Variants in SLCO1A2 observed in about 807,000 individuals in gnomAD.
SLCO1A2 encodes solute carrier organic anion transporter family member 1A2, also known as OATP-1.
A neutral mutation model predicts 69.0 loss-of-function variants in SLCO1A2; 67 were observed. The ratio of observed to expected loss-of-function variants is 0.97; its 90% CI spans 0.80 to 1.19. The LOEUF (loss-of-function observed/expected upper bound fraction) is 1.19. Ranked by LOEUF, SLCO1A2 falls within the 50% of genes most tolerant of loss-of-function variation. The probability of loss-of-function intolerance (pLI) is 0.00; values close to 1 mark genes in which losing one functional copy is unlikely to be tolerated. For missense variants in SLCO1A2, 787 were observed against 793.7 expected, an observed-to-expected ratio of 0.99 and a Z score of 0.10; for synonymous variants, 260 against 265.9, an observed-to-expected ratio of 0.98 and a Z score of 0.22.
chr12:21,369,613 A>AAAGTTGCG (rs1385209608), intron 2 of SLCO1A2, among the ~76,000 whole-genome samples: 4 of 152,200 alleles, frequency 2.6e-5, no homozygotes, highest in Non-Finnish European at 2.9e-5. Flanking sequence ...CTGATGTTTT[A>AAAGTTGCG]AAGTTGCGGG....
chr12:21,267,563 G>C lies in SLCO1A2; in HGVS notation c.*1985C>G, dbSNP rs1252108819. On this transcript the variant is annotated 3_prime_UTR_variant, in exon 15 of 15. Coordinates refer to ENST00000683939, the MANE Select transcript of SLCO1A2 (RefSeq NM_001386879.1). ...CCCATTTATGTCAGTCACCTAAATA[G>C]CCACAGAATTCCAAACTATCTCTCA... is the stretch of plus-strand genomic sequence containing the variant. 1 of 152,154 alleles carries C rather than the reference G, an allele frequency of 6.6e-6. No individual in the cohort carries two copies. The highest frequency in any genetic ancestry group is 2.4e-5 in the African/African-American group (1 of 41,430). The allele number at this position is 152,154 out of a possible 1,614,324, so 9.4% of individuals were successfully genotyped here.
rs1347405418 is a variant in SLCO1A2, at chr12:21,268,855, C to G, written c.*693G>C. ...TTGTTTGTAAGAAAAACTTTAGTCA[C>G]TGGATTTGAATTACTGAAAAAAAAT... On this transcript the variant is annotated 3_prime_UTR_variant, in exon 15 of 15. Coordinates refer to ENST00000683939, the MANE Select transcript of SLCO1A2 (RefSeq NM_001386879.1). The G allele has an allele frequency of 6.6e-6, 1 of 151,920 alleles. No homozygotes were observed. The highest frequency in any genetic ancestry group is 2.4e-5 in the African/African-American group (1 of 41,390). The allele number at this position is 151,920 out of a possible 1,614,324, so 9.4% of individuals were successfully genotyped here. A position where few individuals can be genotyped will look rare whatever the true frequency, so the allele number is the denominator to read the frequency against.
At chr12:21,279,053 A>T (rs1261957376) in intron 12 of SLCO1A2, among the ~76,000 whole-genome samples, 2 of 152,122 alleles carry the variant, frequency 1.3e-5, no homozygotes, top group African/African-American at 2.4e-5. Context: ...AAAAAAATGC[A>T]ATGACATACT....
At chr12:21,361,410 T>C (rs1938868102) in intron 2 of SLCO1A2, among the ~76,000 whole-genome samples, 1 of 152,144 alleles carries the variant, frequency 6.6e-6, no homozygotes, top group Non-Finnish European at 1.5e-5. Context: ...AGACGAAATG[T>C]AGATAAAACC....
At chr12:21,362,486 A>C (rs1334491113) in intron 2 of SLCO1A2, among the ~76,000 whole-genome samples, 1 of 152,216 alleles carries the variant, frequency 6.6e-6, no homozygotes, top group East Asian at 1.9e-4. Context: ...AGGAAACTGC[A>C]TCAACTAATG....
chr12:21,395,793 C>T (rs1023542383), upstream of SLCO1A2, among the ~76,000 whole-genome samples: 1 of 152,152 alleles, frequency 6.6e-6, no homozygotes, highest in Non-Finnish European at 1.5e-5. Flanking sequence ...GGTACTCCAA[C>T]AGACCTGCAG....
chr12:21,373,123 T>C, intron 2 of SLCO1A2: 3 of 569,444 alleles, frequency 5.3e-6, no homozygotes, highest in Non-Finnish European at 9.3e-6. Context: ...AATATAAATG[T>C]TCAGATTGCT....
At chr12:21,322,300 T>G (rs2136848697) in intron 2 of SLCO1A2, among the ~76,000 whole-genome samples, 1 of 152,296 alleles carries the variant, frequency 6.6e-6, no homozygotes, top group Middle Eastern at 3.4e-3. Flanking sequence ...TTTAGAAAGT[T>G]TATTTTGCCA....
chr12:21,297,338 A>T, intron 9 of SLCO1A2, 66 bp downstream of exon 9: 1 of 1,235,144 alleles, frequency 8.1e-7, no homozygotes, highest in Non-Finnish European at 1.1e-6. Flanking sequence ...GGAGTTTGCT[A>T]CACCCGCCAT....
chr12:21,325,067 C>A (rs1338264823), intron 2 of SLCO1A2, among the ~76,000 whole-genome samples: 2 of 152,136 alleles, frequency 1.3e-5, no homozygotes, highest in African/African-American at 4.8e-5. Context: ...GGGAAGTGCT[C>A]CCAGTCTTTT....
upstream of SLCO1A2, among the ~76,000 whole-genome samples, chr12:21,396,236 A>C (rs953087136): frequency 5.9e-5 from 9 of 151,472 alleles, no homozygotes; most frequent in African/African-American, 1.7e-4. Context: ...CAGAAGCCTC[A>C]GGAGCCGATG....
In SLCO1A2 at chr12:21,282,996, A is replaced by G. The variant is rs549379568; in HGVS notation, c.1611-7572T>C. Among the ~76,000 whole-genome samples, 278 of 152,268 alleles carry G rather than the reference A, an allele frequency of 1.8e-3. 2 individuals carry two copies. The highest frequency in any genetic ancestry group is 6.4e-3 in the African/African-American group (266 of 41,586). ...AAACAATATTGCTAAAACCAAACAA[A>G]GGAATCTGCAATCTACAGATTTGAT... On this transcript the variant is annotated intron_variant, in intron 12 of 14. Transcript: ENST00000683939.
chr12:21,269,485 T>C lies in SLCO1A2; in HGVS notation c.*63A>G. On this transcript the variant is annotated 3_prime_UTR_variant, in exon 15 of 15. Coordinates refer to ENST00000683939, the MANE Select transcript of SLCO1A2 (RefSeq NM_001386879.1). ...GTTATCTATTATATCTCTACTGATT[T>C]TTAAAACAATTAAGTTGTACAGCAT... The C allele has an allele frequency of 7.8e-7, 1 of 1,285,312 alleles. No individual in the cohort carries two copies. Among genetic ancestry groups the C allele is most frequent in the Non-Finnish European group, 1.1e-6 (1 of 917,038 alleles). 79.6% of individuals were successfully genotyped at this position (1,285,312 alleles called of 1,614,324 possible).
chr12:21,403,696 A>T (rs1941774685), intron 1 of SLCO1A2: 1 of 145,770 alleles, frequency 6.9e-6, no homozygotes, highest in Non-Finnish European at 1.5e-5. Flanking sequence ...ACTTGGAACC[A>T]GAGGCTCCTC....
chr12:21,413,250 T>A, intron 1 of SLCO1A2, among the ~76,000 whole-genome samples: 1 of 144,754 alleles, frequency 6.9e-6, no homozygotes, highest in East Asian at 2.0e-4. Context: ...TTTTTTTTTT[T>A]TTTTTTGAGA....
At position 21,330,738 on chromosome 12, in the gene SLCO1A2, C is replaced by A. The variant is rs1294020908; in HGVS notation, c.60+3850G>T. Reference sequence around the variant, plus strand: ...TTAATAAATCTTGTTCTAACCAGTTCTTTAGTGTTGCATGAGTGTACTTTT... The same window carrying A: ...TTAATAAATCTTGTTCTAACCAGTTATTTAGTGTTGCATGAGTGTACTTTT... On this transcript the variant is annotated intron_variant, in intron 2 of 14. Coordinates refer to ENST00000683939, the MANE Select transcript of SLCO1A2 (RefSeq NM_001386879.1). Among the ~76,000 whole-genome samples the A allele has an allele frequency of 3.3e-5, 5 of 152,226 alleles. No homozygotes were observed. In the East Asian group the frequency reaches 9.7e-4, roughly 29 times the overall value.
chr12:21,365,160 C>G (rs577117794), intron 2 of SLCO1A2, among the ~76,000 whole-genome samples: 2 of 152,260 alleles, frequency 1.3e-5, no homozygotes, highest in African/African-American at 4.8e-5. Context: ...TACAAGGCTA[C>G]AGTAACCAAA....
At chr12:21,360,141 G>T (rs990424618) in intron 2 of SLCO1A2, among the ~76,000 whole-genome samples, 3 of 152,120 alleles carry the variant, frequency 2.0e-5, no homozygotes, top group Middle Eastern at 3.2e-3. Context: ...AGTGGGTTGG[G>T]GAGTAGAAGG....
Position 21,318,816 on chromosome 12 carries a change from A to C in SLCO1A2, c.168T>G (p.Ser56=). 6.2e-7 allele frequency: 1 copy of C among 1,608,678 alleles called. No homozygotes were observed. The highest frequency in any genetic ancestry group is 8.5e-7 in the Non-Finnish European group (1 of 1,177,844). The stretch of plus-strand genomic sequence containing the variant: ...AGCTTCCATTAATGAATCCAACTAG[A>C]GATGTTGGGATGTTGAATTGTCTCT... The part of the protein sequence containing the change: ...QIERQFNIPT[S]LVGFINGSFE... Residue 56 remains serine (S), a synonymous_variant, in exon 3 of 15, where the codon TCT becomes TCG. Transcript: ENST00000683939.
Sources: gnomAD v4.1 joint callset for allele counts (sites outside exome capture counted in the v4.1 genomes callset) on GRCh38, gnomAD v4.1.1 for gene constraint, MANE v1.5 for transcripts, NCBI Gene and HGNC (gene_info 2026-07-23, HGNC 2026-07-21) for gene names.